Variants in SNRNP200 observed in about 807,000 individuals in gnomAD.
SNRNP200 encodes small nuclear ribonucleoprotein U5 subunit 200, also known as U5 small nuclear ribonucleoprotein 200 kDa helicase.
A neutral mutation model predicts 255.2 loss-of-function variants in SNRNP200; 66 were observed. The ratio of observed to expected loss-of-function variants is 0.26; its 90% CI spans 0.21 to 0.32. SNRNP200 has a LOEUF of 0.32. Ranked by LOEUF, SNRNP200 falls within the 10% of genes least tolerant of loss-of-function variation. The pLI, the probability that SNRNP200 is intolerant of heterozygous loss-of-function variation, is 1.00. For synonymous variants in SNRNP200, 939 were observed against 1,027.8 expected, an observed-to-expected ratio of 0.91 and a Z score of 1.65; for missense variants, 1,585 against 2,749.8, an observed-to-expected ratio of 0.58 and a Z score of 9.47.
chr2:96,283,298 G>C lies in SNRNP200; in HGVS notation c.4818C>G (p.Asp1606Glu). The C allele has an allele frequency of 6.2e-7, 1 of 1,614,078 alleles. No homozygotes were observed. The highest frequency in any genetic ancestry group is 8.5e-7 in the Non-Finnish European group (1 of 1,180,018). Residue 1606 changes from aspartate (D) to glutamate (E), a missense_variant, in exon 34 of 45, where the codon GAC (aspartate) becomes GAG (glutamate). This residue lies in a region of SNRNP200 where 719 missense variants were observed against 1,091.1 expected (regional missense o/e 0.66). Coordinates refer to ENST00000323853, the MANE Select transcript of SNRNP200 (RefSeq NM_014014.5). The surrounding 1 kb of genome is among the most constrained non-coding windows in gnomAD (Gnocchi z 4.7). ...TTAGCAGCGTTTCCTTGAGCGTGCTGTCACTTAGCTTCTCCAGGTACGGAA... is the reference window on the plus strand; with the variant it reads ...TTAGCAGCGTTTCCTTGAGCGTGCTCTCACTTAGCTTCTCCAGGTACGGAA... ...DLIPYLEKLS[D>E]STLKETLLNG...
At chr2:96,297,566 G>T (rs1330081367) in intron 10 of SNRNP200, 30 bp from the exon 11 acceptor site, 4 of 1,614,166 alleles carry the variant, frequency 2.5e-6, no homozygotes, top group Admixed American at 1.7e-5. Context: ...AAACACAAAG[G>T]AAGTAAGCAA....
Position 96,277,549 on chromosome 2 carries a change from C to T in SNRNP200, c.5921G>A (p.Cys1974Tyr). 1 of 1,612,694 alleles carries T rather than the reference C, an allele frequency of 6.2e-7. No homozygotes were observed. The highest frequency in any genetic ancestry group is 8.5e-7 in the Non-Finnish European group (1 of 1,180,026). Reference sequence around the variant, plus strand: ...GCTGACCCGGCTCACCTTGTCTGTGCAACGTTTGATATGCTCAGAGGTGAA... The same window carrying T: ...GCTGACCCGGCTCACCTTGTCTGTGTAACGTTTGATATGCTCAGAGGTGAA... ...PHFTSEHIKR[C>Y]TDKGVESVFD... Residue 1974 changes from cysteine (C) to tyrosine (Y), a missense_variant, in exon 41 of 45, where the codon TGC becomes TAC. By Grantham distance (194) the Cys-to-Tyr change is radical. Coordinates refer to ENST00000323853, the MANE Select transcript of SNRNP200 (RefSeq NM_014014.5). This position sits in a 1 kb window ranked among gnomAD's most constrained non-coding sequence, Gnocchi z 4.4.
chr2:96,285,050 G>T, intron 30 of SNRNP200, 130 bp downstream of exon 30: 2 of 1,121,396 alleles, frequency 1.8e-6, no homozygotes, highest in East Asian at 2.5e-5. Context: ...ACGCTTGGCT[G>T]GGGCAGCTTT....
Position 96,277,495 on chromosome 2 carries a change from C to T in SNRNP200, c.5931+44G>A, listed in dbSNP as rs1277395346. 2.5e-6 allele frequency: 4 copies of T among 1,607,978 alleles called. No homozygotes were observed. The highest frequency in any genetic ancestry group is 2.2e-4 in the Middle Eastern group (1 of 4,468). On this transcript the variant is annotated intron_variant, in intron 41 of 44. Transcript: ENST00000323853. This position sits in a 1 kb window ranked among gnomAD's most constrained non-coding sequence, Gnocchi z 4.4. ...CCCACGCTCGGTCCACAACACTGGG[C>T]TCTCAGGCTCACCCACCTGACCCTC...
chr2:96,296,974 C>A lies in SNRNP200; in HGVS notation c.1474G>T (p.Ala492Ser), dbSNP rs1236207502. Residue 492 changes from alanine to serine, a missense_variant, in exon 12 of 45, where the codon GCC becomes TCC. Physicochemically the swap from Ala to Ser is moderately conservative, Grantham distance 99 (BLOSUM62 1). Transcript: ENST00000323853. ...NRIQSKLYRA[A>S]LETDENLLLC... Reference sequence around the variant, plus strand: ...AGCAGATTCTCATCCGTCTCAAGGGCAGCACGGTAGAGCTTACTCTGGATC... The same window carrying A: ...AGCAGATTCTCATCCGTCTCAAGGGAAGCACGGTAGAGCTTACTCTGGATC... The A allele has an allele frequency of 1.3e-5, 21 of 1,614,112 alleles. No homozygotes were observed. Among genetic ancestry groups the A allele is most frequent in the African/African-American group, 4.0e-5 (3 of 74,936 alleles).
chr2:96,284,134 T>C (rs2063826103), intron 31 of SNRNP200, 130 bp from the exon 32 acceptor site: 14 of 979,024 alleles, frequency 1.4e-5, no homozygotes, highest in Middle Eastern at 2.8e-4. Flanking sequence ...AGCTCTCATG[T>C]GTTTGGTTCT....
chr2:96,304,157 T>C (rs1457190735), intron 2 of SNRNP200, among the ~76,000 whole-genome samples: 2 of 151,370 alleles, frequency 1.3e-5, no homozygotes, highest in African/African-American at 4.9e-5. Flanking sequence ...AACTTCATCA[T>C]AGGAAAGGGA....
In SNRNP200 at chr2:96,286,590, C is replaced by CTTT; in HGVS notation, c.3829+97_3829+98insAAA. 6.3e-7 allele frequency: 1 copy of CTTT among 1,585,422 alleles called. No homozygotes were observed. The highest frequency in any genetic ancestry group is 8.6e-7 in the Non-Finnish European group (1 of 1,158,442). ...AAACCTAGGCAGCATATGTATCACT[C>CTTT]TGTCCCCAGCAAGGGCAAGCCCGGG... On this transcript the variant is annotated intron_variant, in intron 28 of 44. Coordinates refer to ENST00000323853, the MANE Select transcript of SNRNP200 (RefSeq NM_014014.5). The surrounding 1 kb of genome is among the most constrained non-coding windows in gnomAD (Gnocchi z 4.8).
intron 13 of SNRNP200, 27 bp downstream of exon 13, chr2:96,296,509 C>G: frequency 6.2e-7 from 1 of 1,612,980 alleles, no homozygotes. Flanking sequence ...ACCCAGTATC[C>G]TCTGCAGGAA....
At position 96,278,004 on chromosome 2, in the gene SNRNP200, C is replaced by T; in HGVS notation, c.5611-54G>A. ...ATGAACAGGTGACCCTGCCTGAGAC[C>T]AGCTCAGGCCAAAGCACCACGTGGC... On this transcript the variant is annotated intron_variant, in intron 39 of 44. Coordinates refer to ENST00000323853, the MANE Select transcript of SNRNP200 (RefSeq NM_014014.5). This position sits in a 1 kb window ranked among gnomAD's most constrained non-coding sequence, Gnocchi z 6.9. 8 of 1,611,812 alleles carry T rather than the reference C, an allele frequency of 5.0e-6. No homozygotes were observed. The highest frequency in any genetic ancestry group is 6.8e-6 in the Non-Finnish European group (8 of 1,178,094).
chr2:96,289,050 T>C lies in SNRNP200; in HGVS notation c.3161A>G (p.Glu1054Gly). 6.2e-7 allele frequency: 1 copy of C among 1,611,816 alleles called. No homozygotes were observed. The highest frequency in any genetic ancestry group is 8.5e-7 in the Non-Finnish European group (1 of 1,178,820). Residue 1054 changes from glutamate to glycine, a missense_variant, in exon 23 of 45, where the codon GAA becomes GGA. Physicochemically the swap from Glu to Gly is moderately conservative, Grantham distance 98. Transcript: ENST00000323853. Reference sequence around the variant, plus strand: ...AGAGGAGCTCACCTTAGCACTGGGTTCCTCAATGCTCTCCTTTACAGGGAT... The same window carrying C: ...AGAGGAGCTCACCTTAGCACTGGGTCCCTCAATGCTCTCCTTTACAGGGAT... Reference protein sequence around the residue: ...VPIPVKESIEEPSAKINVLLQ... With the variant: ...VPIPVKESIEGPSAKINVLLQ...
In SNRNP200 at chr2:96,289,059, C is replaced by T; in HGVS notation, c.3152G>A (p.Ser1051Asn). 1 of 1,612,726 alleles carries T rather than the reference C, an allele frequency of 6.2e-7. No homozygotes were observed. Among genetic ancestry groups the T allele is most frequent in the Non-Finnish European group, 8.5e-7 (1 of 1,179,444 alleles). Residue 1051 changes from serine (S) to asparagine (N), a missense_variant, in exon 23 of 45, where the codon AGC becomes AAC. By Grantham distance (46) the Ser-to-Asn change is conservative. Around this residue, in one of 9 missense-constraint regions of SNRNP200, gnomAD observed 719 missense variants for 1,091.1 expected, o/e 0.66. Coordinates refer to ENST00000323853, the MANE Select transcript of SNRNP200 (RefSeq NM_014014.5). ...CACCTTAGCACTGGGTTCCTCAATG[C>T]TCTCCTTTACAGGGATAGGCACCCT... Reference protein sequence around the residue: ...LERVPIPVKESIEEPSAKINV... With the variant: ...LERVPIPVKENIEEPSAKINV...
In SNRNP200 at chr2:96,274,637, G is replaced by A; in HGVS notation, c.*375C>T. ...GTCCTCCAGACATACTCATTAACAA[G>A]CACGTTCCTGGCTAAAAAATAACCA... On this transcript the variant is annotated 3_prime_UTR_variant, in exon 45 of 45. Coordinates refer to ENST00000323853, the MANE Select transcript of SNRNP200 (RefSeq NM_014014.5). 1 of 350,256 alleles carries A rather than the reference G, an allele frequency of 2.9e-6. No homozygotes were observed. The highest frequency in any genetic ancestry group is 5.5e-6 in the Non-Finnish European group (1 of 180,738). The allele number at this position is 350,256 out of a possible 1,614,324, so 21.7% of individuals were successfully genotyped here.
At position 96,277,237 on chromosome 2, in the gene SNRNP200, A is replaced by G. The variant is rs760050614; in HGVS notation, c.5936T>C (p.Val1979Ala). Residue 1979 changes from valine (V) to alanine (A), a missense_variant, in exon 42 of 45, where the codon GTG becomes GCG. Physicochemically the swap from Val to Ala is moderately conservative, Grantham distance 64. This residue lies in a region of SNRNP200 where 279 missense variants were observed against 551.2 expected (regional missense o/e 0.51). Transcript: ENST00000323853. The surrounding 1 kb of genome is among the most constrained non-coding windows in gnomAD (Gnocchi z 4.4). ...CTCCATGATGTCGAAAACACTCTCC[A>G]CTCCCTGCAGTGAGTATTCAGACGT... is the stretch of plus-strand genomic sequence containing the variant. Reference protein sequence around the residue: ...EHIKRCTDKGVESVFDIMEME... With the variant: ...EHIKRCTDKGAESVFDIMEME... The G allele has an allele frequency of 2.5e-6, 4 of 1,613,696 alleles. No homozygotes were observed. The highest frequency in any genetic ancestry group is 1.7e-6 in the Non-Finnish European group (2 of 1,179,916).
At position 96,283,456 on chromosome 2, in the gene SNRNP200, C is replaced by G. The variant is rs978881424; in HGVS notation, c.4763+79G>C. ...CCCAAGCAACATGGGCTAACCCCAC[C>G]CTCATAAAGAGGACACCCTTGGAGT... On this transcript the variant is annotated intron_variant, in intron 33 of 44. Coordinates refer to ENST00000323853, the MANE Select transcript of SNRNP200 (RefSeq NM_014014.5). This position sits in a 1 kb window ranked among gnomAD's most constrained non-coding sequence, Gnocchi z 4.7. 6.2e-7 allele frequency: 1 copy of G among 1,612,792 alleles called. No homozygotes were observed. Among genetic ancestry groups the G allele is most frequent in the Non-Finnish European group, 8.5e-7 (1 of 1,179,140 alleles).
chr2:96,288,017 G>A (rs2063854090), intron 24 of SNRNP200, 48 bp from the exon 25 acceptor site: 3 of 1,544,058 alleles, frequency 1.9e-6, no homozygotes, highest in Admixed American at 1.7e-5. Flanking sequence ...ACTATCCCCA[G>A]GCCTCATGAG....
At chr2:96,280,071 A>G (rs1021086645) in intron 35 of SNRNP200, among the ~76,000 whole-genome samples, 14 of 152,106 alleles carry the variant, frequency 9.2e-5, no homozygotes, top group Non-Finnish European at 1.9e-4. Context: ...ACACTTTCCA[A>G]ACTTCATAGT....
intron 34 of SNRNP200, chr2:96,282,206 C>T: frequency 2.4e-6 from 1 of 412,748 alleles, no homozygotes; most frequent in South Asian, 2.3e-5. Flanking sequence ...ATGGACTGCT[C>T]CTCTGACCAG....
rs780274826 is a variant in SNRNP200, at chr2:96,291,519, C to T, written c.2311-17G>A. 2.2e-5 allele frequency: 34 copies of T among 1,543,604 alleles called. No homozygotes were observed. The highest frequency in any genetic ancestry group is 1.7e-4 in the Middle Eastern group (1 of 5,974). ...CTCTAGGTTCTGTGGAACAAAGAAC[C>T]GGGGATGAGGCGAGCCTTCCTGTAG... is the stretch of plus-strand genomic sequence containing the variant. On this transcript the variant is annotated splice_polypyrimidine_tract_variant and intron_variant, in intron 17 of 44. Coordinates refer to ENST00000323853, the MANE Select transcript of SNRNP200 (RefSeq NM_014014.5). The surrounding 1 kb of genome is among the most constrained non-coding windows in gnomAD (Gnocchi z 4.2).
Sources: allele counts gnomAD v4.1 joint callset (sites outside exome capture counted in the v4.1 genomes callset), GRCh38; gene constraint gnomAD v4.1.1; regional missense constraint gnomAD v4.1.1; non-coding constraint Gnocchi (gnomAD v3.1); transcripts MANE v1.5; gene names NCBI Gene and HGNC (gene_info 2026-07-23, HGNC 2026-07-21).